FASTKD3: variants seen among roughly 807,000 people sequenced by gnomAD.
FASTKD3 encodes FAST kinase domains 3.
A neutral mutation model predicts 49.7 loss-of-function variants in FASTKD3; 47 were observed. The observed-to-expected ratio is 0.95, with a 90% CI of 0.75 to 1.21. The LOEUF is 1.21. FASTKD3 is among the 50% of genes most tolerant of loss of function. FASTKD3 has a pLI of 0.00. For missense variants in FASTKD3, 748 were observed against 765.7 expected, an observed-to-expected ratio of 0.98 and a Z score of 0.27; for synonymous variants, 284 against 288.6, an observed-to-expected ratio of 0.98 and a Z score of 0.16.
chr5:7,865,778 C>A (rs16879258), intron 3 of FASTKD3, 120 bp downstream of exon 3: 86,054 of 715,368 alleles, frequency 0.12, 5,749 homozygotes, highest in Middle Eastern at 0.2. Flanking sequence ...CTGGTGGCAA[C>A]TGACTCCAAG....
At chr5:7,861,758 TC>T in intron 4 of FASTKD3, 106 bp from the exon 5 acceptor site, 1 of 1,483,888 alleles carries the variant, frequency 6.7e-7, no homozygotes. Context: ...CTTGCATTGA[TC>T]AATTGGACTG....
chr5:7,867,966 G>T lies in FASTKD3; in HGVS notation c.118C>A (p.Arg40Ser). ...CGTGAACACAACCAAGGGCACAGAC[G>T]CTCCTTGACTACCTTGTGAACATGA... ...LNHVHKVVKERLCPWLCSRQP... is the reference protein window; with the variant it reads ...LNHVHKVVKESLCPWLCSRQP... Residue 40 changes from arginine to serine, a missense_variant, in exon 2 of 7, where the codon CGT becomes AGT. Physicochemically the swap from Arg to Ser is moderately radical, Grantham distance 110. Coordinates refer to ENST00000264669, the MANE Select transcript of FASTKD3 (RefSeq NM_024091.4). The T allele has an allele frequency of 6.2e-7, 1 of 1,613,992 alleles. No homozygotes were observed. Among genetic ancestry groups the T allele is most frequent in the Non-Finnish European group, 8.5e-7 (1 of 1,179,924 alleles).
intron 5 of FASTKD3, 86 bp from the exon 6 acceptor site, chr5:7,861,349 G>A: frequency 1.3e-6 from 1 of 757,774 alleles, no homozygotes; most frequent in Non-Finnish European, 2.0e-6. Context: ...AAGTTTATTT[G>A]GGATTTGGCT....
intron 3 of FASTKD3, 111 bp downstream of exon 3, chr5:7,865,787 A>C: frequency 1.3e-6 from 1 of 779,506 alleles, no homozygotes; most frequent in South Asian, 2.0e-5. Flanking sequence ...ACTGACTCCA[A>C]GTAAATGAAA....
At chr5:7,861,536 A>T in intron 5 of FASTKD3, 47 bp downstream of exon 5, 1 of 1,334,498 alleles carries the variant, frequency 7.5e-7, no homozygotes, top group Non-Finnish European at 1.0e-6. Context: ...GCTGCTTATT[A>T]GCCTCAACGA....
intron 2 of FASTKD3, 135 bp from the exon 3 acceptor site, chr5:7,866,118 T>C (rs763651743): frequency 1.5e-6 from 1 of 652,152 alleles, no homozygotes; most frequent in Non-Finnish European, 2.6e-6. Context: ...TGAAATGAAC[T>C]TGTTAGAATT....
At position 7,866,765 on chromosome 5, in the gene FASTKD3, A is replaced by G; in HGVS notation, c.1319T>C (p.Phe440Ser). ...RKLENVLFTH[F>S]NYFPPKSLLK... is the part of the protein sequence containing the mutation. ...TAATGATTTGGGTGGAAAATAATTG[A>G]AATGAGTGAATAGCACGTTTTCCAG... is the stretch of plus-strand genomic sequence containing the variant. Residue 440 changes from phenylalanine to serine, a missense_variant, in exon 2 of 7, where the codon TTC becomes TCC. Physicochemically the swap from Phe to Ser is radical, Grantham distance 155. Transcript: ENST00000264669. The G allele has an allele frequency of 6.2e-7, 1 of 1,614,176 alleles. No individual in the cohort carries two copies.
chr5:7,867,766 C>T lies in FASTKD3; in HGVS notation c.318G>A (p.Leu106=), dbSNP rs767484855. 1.2e-6 allele frequency: 2 copies of T among 1,614,194 alleles called. No homozygotes were observed. The highest frequency in any genetic ancestry group is 2.7e-5 in the African/African-American group (2 of 75,042). The part of the protein sequence containing the change: ...NEESQMFYRR[L]SNLTSSEEVL... ...CTTCTTCTGATGAAGTCAAGTTGCT[C>T]AGTCTCCTGTAAAACATCTGACTCT... The change falls in exon 2 of 7, where the codon CTG becomes CTA. Residue 106 remains leucine, a synonymous_variant. Coordinates refer to ENST00000264669, the MANE Select transcript of FASTKD3 (RefSeq NM_024091.4).
intron 6 of FASTKD3, among the ~76,000 whole-genome samples, chr5:7,860,565 A>C (rs1340995529): frequency 6.6e-6 from 1 of 152,238 alleles, no homozygotes; most frequent in Non-Finnish European, 1.5e-5. Flanking sequence ...CTGTATTTCA[A>C]AATATAAGTC....
At chr5:7,866,423 A>T (rs1746953600) in intron 2 of FASTKD3, among the ~76,000 whole-genome samples, 1 of 152,182 alleles carries the variant, frequency 6.6e-6, no homozygotes. Flanking sequence ...AATTTCTCAG[A>T]TAAGGCAAAA....
At position 7,862,811 on chromosome 5, in the gene FASTKD3, T is replaced by C. The variant is rs955919581; in HGVS notation, c.1699+12A>G. On this transcript the variant is annotated intron_variant, in intron 4 of 6. Transcript: ENST00000264669. ...TTAGGTTTAAAACAACAAAACTCCT[T>C]ATACTACTTACCTATTGTATAACAA... 51 of 1,603,538 alleles carry C rather than the reference T, an allele frequency of 3.2e-5. No individual in the cohort carries two copies. Among genetic ancestry groups the C allele is most frequent in the Non-Finnish European group, 4.3e-5 (50 of 1,174,100 alleles).
intron 3 of FASTKD3, chr5:7,863,283 A>C (rs1746684808): frequency 2.8e-6 from 1 of 354,790 alleles, no homozygotes; most frequent in Non-Finnish European, 5.1e-6. Flanking sequence ...GAGTGAGGAG[A>C]GAGTGAGAAG....
intron 3 of FASTKD3, among the ~76,000 whole-genome samples, chr5:7,863,719 C>G (rs2126601465): frequency 6.6e-6 from 1 of 152,304 alleles, no homozygotes; most frequent in Admixed American, 6.5e-5. Context: ...TGGAAAATAA[C>G]TAAATTAAAC....
Position 7,861,493 on chromosome 5 carries a change from C to T in FASTKD3, c.1769+90G>A. The T allele has an allele frequency of 3.3e-6, 3 of 923,048 alleles. No homozygotes were observed. In the South Asian group the frequency reaches 8.3e-5, roughly 26 times the overall value. 57.2% of individuals were successfully genotyped at this position (923,048 alleles called of 1,614,324 possible). A position where few individuals can be genotyped will look rare whatever the true frequency, so the allele number is the denominator to read the frequency against. On this transcript the variant is annotated intron_variant, in intron 5 of 6. Coordinates refer to ENST00000264669, the MANE Select transcript of FASTKD3 (RefSeq NM_024091.4). Reference sequence around the variant, plus strand: ...AGTATTTTAATTTCCAGAATCATATCTATTTTTTTCACCTTCTTGAGAAAA... The same window carrying T: ...AGTATTTTAATTTCCAGAATCATATTTATTTTTTTCACCTTCTTGAGAAAA...
chr5:7,865,259 A>C (rs1746860727), intron 3 of FASTKD3, among the ~76,000 whole-genome samples: 2 of 152,162 alleles, frequency 1.3e-5, no homozygotes, highest in South Asian at 4.1e-4. Context: ...AGTACTGTCT[A>C]AGCTGTTTTA....
intron 1 of FASTKD3, 132 bp from the exon 2 acceptor site, chr5:7,868,328 G>A (rs1351337001): frequency 6.8e-6 from 3 of 443,342 alleles, no homozygotes; most frequent in Non-Finnish European, 1.2e-5. Context: ...GCTAAACACT[G>A]TTGTAGGTAT....
Position 7,859,417 on chromosome 5 carries a change from G to C in FASTKD3, c.*18C>G, listed in dbSNP as rs746506905. 1 of 1,480,244 alleles carries C rather than the reference G, an allele frequency of 6.8e-7. No homozygotes were observed. The highest frequency in any genetic ancestry group is 9.3e-7 in the Non-Finnish European group (1 of 1,078,044). The allele number at this position is 1,480,244 out of a possible 1,614,324, so 91.7% of individuals were successfully genotyped here. A position where few individuals can be genotyped will look rare whatever the true frequency, so the allele number is the denominator to read the frequency against. ...AAAAATGCAAGTTCTTCCATTGTTT[G>C]AGTTCTGAAGTCAGTATTCATTCTT... On this transcript the variant is annotated 3_prime_UTR_variant, in exon 7 of 7. Transcript: ENST00000264669.
intron 3 of FASTKD3, 80 bp downstream of exon 3, chr5:7,865,818 G>T (rs1415698972): frequency 9.4e-7 from 1 of 1,068,530 alleles, no homozygotes; most frequent in Non-Finnish European, 1.4e-6. Context: ...TCAGGTTATT[G>T]AGACAGATCA....
rs546767063 is a variant in FASTKD3, at chr5:7,867,518, T to C, written c.566A>G (p.His189Arg). ...VTALQALILL[H>R]VDPQSSLLLN... ...CAACAGGCTACTTTGAGGATCCACATGCAACAGAATCAGAGCTTGCAAAGC... is the reference window on the plus strand; with the variant it reads ...CAACAGGCTACTTTGAGGATCCACACGCAACAGAATCAGAGCTTGCAAAGC... Residue 189 changes from histidine (H) to arginine (R), a missense_variant, in exon 2 of 7, where the codon CAT (histidine) becomes CGT (arginine). This residue lies in a region of FASTKD3 where 564 missense variants were observed against 562.8 expected (regional missense o/e 1.00). Transcript: ENST00000264669. 6.4e-5 allele frequency: 103 copies of C among 1,614,264 alleles called. No homozygotes were observed. In the Admixed American group the frequency reaches 1.3e-3, roughly 21 times the overall value.
Sources: gnomAD v4.1 joint callset for allele counts (sites outside exome capture counted in the v4.1 genomes callset) on GRCh38, gnomAD v4.1.1 for gene constraint, gnomAD v4.1.1 regional missense constraint, MANE v1.5 for transcripts, NCBI Gene and HGNC (gene_info 2026-07-23, HGNC 2026-07-21) for gene names.